The following TMPRSS11A variants were observed in gnomAD, a reference collection of about 807,000 sequenced individuals.
TMPRSS11A encodes the protein transmembrane protease serine 11A.
Under a neutral mutation model 58.9 loss-of-function variants are expected in TMPRSS11A, and 53 were observed. The observed-to-expected ratio is 0.90, with a 90% CI of 0.72 to 1.13. The LOEUF (loss-of-function observed/expected upper bound fraction) is 1.13, where lower values mean the gene tolerates loss of function less well. Among genes scored for constraint, TMPRSS11A ranks in the 50% most tolerant of loss-of-function variants. TMPRSS11A has a pLI of 0.00. For missense variants in TMPRSS11A, 493 were observed against 499.3 expected (o/e 0.99, Z 0.12); for synonymous variants, 167 against 169.8 (o/e 0.98, Z 0.13).
intron 1 of TMPRSS11A, among the ~76,000 whole-genome samples, chr4:67,956,057 C>T (rs1472410712): frequency 6.6e-6 from 1 of 152,082 alleles, no homozygotes; most frequent in East Asian, 1.9e-4. Flanking sequence ...TTTATAAAAC[C>T]TCTCTAGTTT....
chr4:67,912,271 C>T (rs1233890995), intron 9 of TMPRSS11A, among the ~76,000 whole-genome samples: 1 of 140,038 alleles, frequency 7.1e-6, no homozygotes, highest in East Asian at 2.1e-4. Flanking sequence ...TGAAGCTGTT[C>T]CACCATATCA....
At chr4:67,919,682 A>T (rs1464938000) in intron 7 of TMPRSS11A, among the ~76,000 whole-genome samples, 1 of 152,208 alleles carries the variant, frequency 6.6e-6, no homozygotes, top group Non-Finnish European at 1.5e-5. Context: ...AACAAAATAA[A>T]ATAGGGTAAC....
In TMPRSS11A at chr4:67,959,748, A is replaced by G. The variant is rs116150815; in HGVS notation, c.11+3635T>C. Reference sequence around the variant, plus strand: ...GGGAATGTAAACTAGTTCAGCCACAATGGAAAGCAGTTTGGAGATTTCTCA... The same window carrying G: ...GGGAATGTAAACTAGTTCAGCCACAGTGGAAAGCAGTTTGGAGATTTCTCA... On this transcript the variant is annotated intron_variant, in intron 1 of 9. Coordinates refer to ENST00000508048, the MANE Select transcript of TMPRSS11A (RefSeq NM_001114387.2). 3.6e-3 allele frequency among the ~76,000 whole-genome samples: 553 copies of G among 152,338 alleles called. 5 individuals are homozygous for G. Among genetic ancestry groups the G allele is most frequent in the African/African-American group, 0.013 (527 of 41,590 alleles).
chr4:67,940,553 G>T (rs1006325110), intron 3 of TMPRSS11A, among the ~76,000 whole-genome samples: 1 of 152,062 alleles, frequency 6.6e-6, no homozygotes, highest in Admixed American at 6.6e-5. Context: ...AGTCTCAGAC[G>T]ATCTTTTGTA....
At chr4:67,942,271 G>T (rs1720898446) in intron 3 of TMPRSS11A, among the ~76,000 whole-genome samples, 1 of 152,160 alleles carries the variant, frequency 6.6e-6, no homozygotes, top group Non-Finnish European at 1.5e-5. Flanking sequence ...TATATTTTGA[G>T]ACCTTAACTC....
intron 3 of TMPRSS11A, among the ~76,000 whole-genome samples, chr4:67,933,781 A>C (rs1418561782): frequency 6.6e-6 from 1 of 152,214 alleles, no homozygotes; most frequent in East Asian, 1.9e-4. Context: ...AAAGGCAAAC[A>C]AAATGGAACA....
intron 1 of TMPRSS11A, among the ~76,000 whole-genome samples, chr4:67,951,788 A>G (rs1721168255): frequency 6.6e-6 from 1 of 152,172 alleles, no homozygotes; most frequent in African/African-American, 2.4e-5. Flanking sequence ...TTAACTCCTA[A>G]TGTAACTGAA....
chr4:67,929,850 T>C (rs1395180269), intron 5 of TMPRSS11A, 30 bp downstream of exon 5: 1 of 1,568,132 alleles, frequency 6.4e-7, no homozygotes, highest in Admixed American at 1.8e-5. Flanking sequence ...AATAGACAAC[T>C]TCATATCACA....
At chr4:67,939,660 TTGAGA>T (rs1201582224) in intron 3 of TMPRSS11A, among the ~76,000 whole-genome samples, 1 of 152,132 alleles carries the variant, frequency 6.6e-6, no homozygotes, top group African/African-American at 2.4e-5. Context: ...TCTACATATA[TTGAGA>T]TGATTGTATG....
At chr4:67,912,186 A>T (rs1003134292) in intron 9 of TMPRSS11A, among the ~76,000 whole-genome samples, 2 of 152,154 alleles carry the variant, frequency 1.3e-5, no homozygotes, top group Non-Finnish European at 2.9e-5. Flanking sequence ...GCTCCAAAAG[A>T]TCTACCAACA....
chr4:67,915,829 A>T (rs527393364), intron 8 of TMPRSS11A, among the ~76,000 whole-genome samples: 2 of 152,232 alleles, frequency 1.3e-5, no homozygotes, highest in Non-Finnish European at 2.9e-5. Context: ...AAGAGGACTC[A>T]ACTAAGCTGT....
At chr4:67,912,467 G>C (rs145702886) in intron 9 of TMPRSS11A, among the ~76,000 whole-genome samples, 4 of 152,124 alleles carry the variant, frequency 2.6e-5, no homozygotes, top group Non-Finnish European at 5.9e-5. Context: ...CCACTTTCTT[G>C]ATTTATTCCC....
chr4:67,923,679 G>A (rs1720392160), intron 6 of TMPRSS11A, among the ~76,000 whole-genome samples: 1 of 152,042 alleles, frequency 6.6e-6, no homozygotes. Context: ...GCTAATTTTT[G>A]TATTTTTAAT....
At chr4:67,941,109 A>G (rs1720871219) in intron 3 of TMPRSS11A, among the ~76,000 whole-genome samples, 1 of 152,194 alleles carries the variant, frequency 6.6e-6, no homozygotes, top group South Asian at 2.1e-4. Flanking sequence ...GGATTATAGC[A>G]ATATCTAAAT....
chr4:67,916,216 A>G (rs562995733), intron 8 of TMPRSS11A, among the ~76,000 whole-genome samples: 17 of 152,296 alleles, frequency 1.1e-4, no homozygotes, highest in African/African-American at 4.1e-4. Flanking sequence ...TACATATACT[A>G]TACTTCAACA....
At chr4:67,961,586 C>T (rs1407252437) in intron 1 of TMPRSS11A, among the ~76,000 whole-genome samples, 2 of 141,422 alleles carry the variant, frequency 1.4e-5, no homozygotes, top group Non-Finnish European at 3.0e-5. Context: ...ATTTGGCTCA[C>T]TGCAACCTCC....
At chr4:67,914,928 TA>T (rs1720108233) in intron 8 of TMPRSS11A, among the ~76,000 whole-genome samples, 198 bp from the exon 9 acceptor site, 1 of 152,192 alleles carries the variant, frequency 6.6e-6, no homozygotes, top group Non-Finnish European at 1.5e-5. Flanking sequence ...CACATTTTTA[TA>T]AAAACTTCTC....
intron 8 of TMPRSS11A, 43 bp downstream of exon 8, chr4:67,918,930 T>G (rs1720233086): frequency 6.2e-7 from 1 of 1,605,762 alleles, no homozygotes; most frequent in South Asian, 1.1e-5. Context: ...CACATTGCCT[T>G]AGACAGGGCT....
At chr4:67,929,521 T>G (rs1040671715) in intron 5 of TMPRSS11A, among the ~76,000 whole-genome samples, 1 of 152,216 alleles carries the variant, frequency 6.6e-6, no homozygotes, top group Non-Finnish European at 1.5e-5. Flanking sequence ...ACACATGAAT[T>G]TGTGTTTTAG....
Sources: allele counts gnomAD v4.1 joint callset (sites outside exome capture counted in the v4.1 genomes callset), GRCh38; gene constraint gnomAD v4.1.1; transcripts MANE v1.5; gene names NCBI Gene and HGNC (gene_info 2026-07-23, HGNC 2026-07-21).